CPB2: variants seen among roughly 807,000 people sequenced by gnomAD.
CPB2 encodes the protein carboxypeptidase B-like protein.
CPB2 carries 54 observed loss-of-function variants against 57.0 expected under a neutral mutation model. The observed-to-expected ratio is 0.95, with a 90% CI of 0.76 to 1.19. The LOEUF is 1.19. Among genes scored for constraint, CPB2 ranks in the 50% most tolerant of loss-of-function variants. The pLI is 0.00. For missense variants in CPB2, 426 were observed against 512.0 expected (o/e 0.83, Z 1.62); for synonymous variants, 189 against 178.1 (o/e 1.06, Z -0.49).
At chr13:46,100,069 G>A (rs1593923329) in intron 1 of CPB2, 1 of 151,032 alleles carries the variant, frequency 6.6e-6, no homozygotes, top group East Asian at 1.9e-4. Context: ...TGAGTGGGCA[G>A]TATTAAATTA....
chr13:46,083,045 C>T (rs1459278712), intron 3 of CPB2, among the ~76,000 whole-genome samples: 1 of 150,864 alleles, frequency 6.6e-6, no homozygotes. Flanking sequence ...AAGGGAAGTA[C>T]AGGAAAGGCA....
chr13:46,074,075 A>T, intron 5 of CPB2, 98 bp from the exon 6 acceptor site: 1 of 600,658 alleles, frequency 1.7e-6, no homozygotes, highest in Non-Finnish European at 2.8e-6. Context: ...AGTTTCAGCA[A>T]ATCTCTGAGA....
chr13:46,053,307 G>T lies in CPB2; in HGVS notation c.*307C>A, dbSNP rs2044605751. ...CAATGATCAGCGTGAGATGATCATT[G>T]ATTAAACTTGCTTGAGATGGCTAGT... is the stretch of plus-strand genomic sequence containing the variant. On this transcript the variant is annotated 3_prime_UTR_variant, in exon 11 of 11. Coordinates refer to ENST00000181383, the MANE Select transcript of CPB2 (RefSeq NM_001872.5). 1.7e-5 allele frequency: 4 copies of T among 240,938 alleles called. No homozygotes were observed. In the South Asian group the frequency reaches 3.7e-4, roughly 22 times the overall value. The allele number at this position is 240,938 out of a possible 1,614,324, so 14.9% of individuals were successfully genotyped here. A position where few individuals can be genotyped will look rare whatever the true frequency, so the allele number is the denominator to read the frequency against.
At chr13:46,068,615 C>T (rs1271268123) in intron 6 of CPB2, among the ~76,000 whole-genome samples, 1 of 151,994 alleles carries the variant, frequency 6.6e-6, no homozygotes, top group Non-Finnish European at 1.5e-5. Context: ...CATAGTTATA[C>T]ACGTGCCACG....
chr13:46,074,028 G>T, intron 5 of CPB2, 51 bp from the exon 6 acceptor site: 1 of 1,072,934 alleles, frequency 9.3e-7, no homozygotes, highest in South Asian at 1.4e-5. Flanking sequence ...TAAGCTTCAG[G>T]ATAATAACTT....
intron 4 of CPB2, among the ~76,000 whole-genome samples, 164 bp downstream of exon 4, chr13:46,082,277 T>G (rs3818477): frequency 0.38 from 57,818 of 151,986 alleles, 11,425 homozygotes; most frequent in East Asian, 0.63. Context: ...TCAGGGAAGA[T>G]ATCTACCAAA....
chr13:46,073,359 G>T, intron 6 of CPB2: 1 of 331,458 alleles, frequency 3.0e-6, no homozygotes, highest in Non-Finnish European at 4.3e-6. Flanking sequence ...CATACAGTTT[G>T]TCTTATATAT....
chr13:46,079,443 C>T lies in CPB2; in HGVS notation c.385-542G>A, dbSNP rs567709517. 2.1e-4 allele frequency among the ~76,000 whole-genome samples: 31 copies of T among 150,810 alleles called. No individual in the cohort carries two copies. The South Asian group carries it at 6.5e-3, about 32-fold the overall frequency. On this transcript the variant is annotated intron_variant, in intron 4 of 10. Transcript: ENST00000181383. Reference sequence around the variant, plus strand: ...GGAAAAACAAACAAACTCAATTATCCCCCCAAGAAGTAGTTCGATTCTGGA... The same window carrying T: ...GGAAAAACAAACAAACTCAATTATCTCCCCAAGAAGTAGTTCGATTCTGGA...
At position 46,098,043 on chromosome 13, in the gene CPB2, T is replaced by C. The variant is rs914856707; in HGVS notation, c.74+6893A>G. 1.3e-5 allele frequency among the ~76,000 whole-genome samples: 2 copies of C among 152,166 alleles called. 1 individual carries two copies. Among genetic ancestry groups the C allele is most frequent in the South Asian group, 4.1e-4 (2 of 4,820 alleles). The stretch of plus-strand genomic sequence containing the variant: ...ATTGACTCCAATAATCAGAAGGACA[T>C]TGAGGGCTGCACTTACATACTGAAT... On this transcript the variant is annotated intron_variant, in intron 1 of 10. Transcript: ENST00000181383.
chr13:46,100,450 G>A (rs1375586044), intron 1 of CPB2: 3 of 152,018 alleles, frequency 2.0e-5, no homozygotes, highest in Admixed American at 1.3e-4. Context: ...TATATAAAAA[G>A]CTGTCAGAGT....
chr13:46,086,533 G>T (rs1022344171), intron 2 of CPB2, among the ~76,000 whole-genome samples: 3 of 152,146 alleles, frequency 2.0e-5, no homozygotes, highest in Non-Finnish European at 4.4e-5. Flanking sequence ...CTGAATCCGG[G>T]GGATTTCTAT....
intron 1 of CPB2, among the ~76,000 whole-genome samples, chr13:46,102,554 A>AAC (rs1555312033): frequency 7.0e-6 from 1 of 143,516 alleles, no homozygotes; most frequent in Non-Finnish European, 1.6e-5. Context: ...AAAAAAAAAA[A>AAC]AAACAAAGAA....
At chr13:46,079,407 G>A (rs1263285248) in intron 4 of CPB2, among the ~76,000 whole-genome samples, 1 of 152,008 alleles carries the variant, frequency 6.6e-6, no homozygotes, top group Non-Finnish European at 1.5e-5. Flanking sequence ...CAAAGGTGGG[G>A]ACCATCTGGA....
chr13:46,078,324 G>C (rs1349985215), intron 5 of CPB2, among the ~76,000 whole-genome samples: 1 of 151,584 alleles, frequency 6.6e-6, no homozygotes, highest in East Asian at 1.9e-4. Context: ...TCCCCTAACA[G>C]AAATAGTGTT....
intron 2 of CPB2, 76 bp downstream of exon 2, chr13:46,087,669 A>G: frequency 1.1e-6 from 1 of 927,914 alleles, no homozygotes; most frequent in Non-Finnish European, 1.7e-6. Context: ...AAGCCAGACA[A>G]CATACAGGAG....
intron 1 of CPB2, chr13:46,097,351 G>A (rs1428291744): frequency 1.3e-5 from 2 of 152,202 alleles, no homozygotes; most frequent in Non-Finnish European, 2.9e-5. Context: ...CCAAAGTTGA[G>A]CCCCGGAATC....
intron 1 of CPB2, chr13:46,098,904 T>G (rs573391024): frequency 4.6e-4 from 70 of 152,364 alleles, no homozygotes; most frequent in African/African-American, 1.7e-3. Context: ...CATGCAATCT[T>G]CATCTCAGGA....
At chr13:46,081,976 G>A (rs2045125031) in intron 4 of CPB2, among the ~76,000 whole-genome samples, 1 of 152,084 alleles carries the variant, frequency 6.6e-6, no homozygotes, top group Non-Finnish European at 1.5e-5. Context: ...ATTATTATTA[G>A]TTTAAATAGC....
rs1222847923 is a variant in CPB2 at position 46,105,017 on chromosome 13, G to A, written c.-8C>T. On this transcript the variant is annotated 5_prime_UTR_variant, in exon 1 of 11. Transcript: ENST00000181383. ...AAGGCTGCAAAGCTTCATCCCAACA[G>A]CAATTTTCTGTACAACAAATTTCTC... The A allele has an allele frequency of 6.2e-7, 1 of 1,613,666 alleles. No individual in the cohort carries two copies.
Sources: gnomAD v4.1 joint callset for allele counts (sites outside exome capture counted in the v4.1 genomes callset) on GRCh38, gnomAD v4.1.1 for gene constraint, MANE v1.5 for transcripts, NCBI Gene and HGNC (gene_info 2026-07-23, HGNC 2026-07-21) for gene names.